TAFA1: variants seen among roughly 807,000 people sequenced by gnomAD.
TAFA1 encodes the protein chemokine-like protein TAFA-1.
In TAFA1, 4 loss-of-function variants were observed where a neutral mutation model predicts 18.5. That is an observed-to-expected ratio of 0.22 (90% CI 0.11 to 0.49). TAFA1 has a LOEUF of 0.49. Among genes scored for constraint, TAFA1 ranks in the 20% least tolerant of loss-of-function variants. The pLI, the probability that TAFA1 is intolerant of heterozygous loss-of-function variation, is 0.98. For missense variants in TAFA1, 147 were observed against 169.0 expected (o/e 0.87, Z 0.72); for synonymous variants, 56 against 55.2 (o/e 1.01, Z -0.06).
chr3:68,154,515 T>C lies in TAFA1; in HGVS notation c.118+147771T>C, dbSNP rs148909896. 3.0e-3 allele frequency among the ~76,000 whole-genome samples: 462 copies of C among 152,320 alleles called. 2 individuals are homozygous for C. The highest frequency in any genetic ancestry group is 0.011 in the African/African-American group (441 of 41,570). On this transcript the variant is annotated intron_variant, in intron 2 of 4. Transcript: ENST00000478136. Reference sequence around the variant, plus strand: ...AGTTGCAAAGTGGAGCCTCTTTAGCTTATAATATTGCAGCTGGCAATCCTC... The same window carrying C: ...AGTTGCAAAGTGGAGCCTCTTTAGCCTATAATATTGCAGCTGGCAATCCTC...
chr3:68,246,625 A>AAAAAAAAAAAAT (rs2067085773), intron 2 of TAFA1, among the ~76,000 whole-genome samples: 1 of 145,688 alleles, frequency 6.9e-6, no homozygotes, highest in Non-Finnish European at 1.5e-5. Flanking sequence ...AAAAAAAAAA[A>AAAAAAAAAAAAT]TTGAGAAGGT....
At chr3:68,061,367 T>C (rs942409480) in intron 2 of TAFA1, among the ~76,000 whole-genome samples, 2 of 152,216 alleles carry the variant, frequency 1.3e-5, no homozygotes, top group Non-Finnish European at 2.9e-5. Flanking sequence ...GAATTCTACA[T>C]GTAATTCAGT....
chr3:68,242,352 G>A (rs1024473791), intron 2 of TAFA1, among the ~76,000 whole-genome samples: 2 of 152,010 alleles, frequency 1.3e-5, no homozygotes, highest in East Asian at 1.9e-4. Context: ...ATAAATATTC[G>A]TAGACTTTTC....
chr3:68,196,378 A>G (rs2066409994), intron 2 of TAFA1, among the ~76,000 whole-genome samples: 1 of 151,764 alleles, frequency 6.6e-6, no homozygotes, highest in African/African-American at 2.4e-5. Context: ...AAATGTAGCA[A>G]TCAATCAATC....
At chr3:68,454,301 C>T (rs1183542126) in intron 3 of TAFA1, among the ~76,000 whole-genome samples, 2 of 152,104 alleles carry the variant, frequency 1.3e-5, no homozygotes, top group African/African-American at 4.8e-5. Flanking sequence ...TTCTACTGAA[C>T]TTGATTTTAC....
chr3:68,126,403 T>A (rs2065465406), intron 2 of TAFA1, among the ~76,000 whole-genome samples: 1 of 152,220 alleles, frequency 6.6e-6, no homozygotes, highest in African/African-American at 2.4e-5. Flanking sequence ...TGGTAAAGGA[T>A]GTCAAAATCT....
At chr3:68,405,438 G>T (rs1239418343) in intron 2 of TAFA1, among the ~76,000 whole-genome samples, 1 of 148,876 alleles carries the variant, frequency 6.7e-6, no homozygotes, top group Non-Finnish European at 1.5e-5. Flanking sequence ...ACATGAGAAT[G>T]GGAGGATTGC....
At chr3:68,197,192 C>T (rs1417224148) in intron 2 of TAFA1, among the ~76,000 whole-genome samples, 2 of 151,612 alleles carry the variant, frequency 1.3e-5, no homozygotes, top group Non-Finnish European at 2.9e-5. Flanking sequence ...TAAGTATTGC[C>T]AATACAGGTT....
intron 2 of TAFA1, among the ~76,000 whole-genome samples, chr3:68,278,757 T>C (rs977006625): frequency 6.6e-6 from 1 of 152,106 alleles, no homozygotes; most frequent in Non-Finnish European, 1.5e-5. Flanking sequence ...CTTGTTAAAA[T>C]ACACATTCCC....
At chr3:68,308,291 C>T (rs892409061) in intron 2 of TAFA1, among the ~76,000 whole-genome samples, 2 of 152,132 alleles carry the variant, frequency 1.3e-5, no homozygotes, top group African/African-American at 4.8e-5. Flanking sequence ...CTGGAGTGGT[C>T]ATACTGTAAG....
At position 68,404,711 on chromosome 3, in the gene TAFA1, C is replaced by T. The variant is rs954855724; in HGVS notation, c.119-12569C>T. 4.6e-5 allele frequency among the ~76,000 whole-genome samples: 7 copies of T among 151,702 alleles called. No individual in the cohort carries two copies. In the South Asian group the frequency reaches 6.2e-4, roughly 14 times the overall value. On this transcript the variant is annotated intron_variant, in intron 2 of 4. Coordinates refer to ENST00000478136, the MANE Select transcript of TAFA1 (RefSeq NM_213609.4). ...ACTTGGGAGGCTGAGGAAGGAGGGTCGCTTGAACCCAGGAGGCAGAGTTTG... is the reference window on the plus strand; with the variant it reads ...ACTTGGGAGGCTGAGGAAGGAGGGTTGCTTGAACCCAGGAGGCAGAGTTTG...
At chr3:68,521,804 A>C (rs2073027213) in intron 3 of TAFA1, among the ~76,000 whole-genome samples, 1 of 140,468 alleles carries the variant, frequency 7.1e-6, no homozygotes, top group African/African-American at 2.6e-5. Flanking sequence ...TTGTTTGCTT[A>C]TGTTGTGACA....
chr3:68,479,408 C>T (rs1356719055), intron 3 of TAFA1, among the ~76,000 whole-genome samples: 1 of 151,760 alleles, frequency 6.6e-6, no homozygotes, highest in Non-Finnish European at 1.5e-5. Flanking sequence ...CTTCTTAGAT[C>T]TTACAGCTCT....
At chr3:68,305,919 T>C (rs1358508709) in intron 2 of TAFA1, among the ~76,000 whole-genome samples, 1 of 152,186 alleles carries the variant, frequency 6.6e-6, no homozygotes, top group East Asian at 1.9e-4. Context: ...GCTGTAAGTA[T>C]TAAATGAGCA....
At chr3:68,206,016 C>A (rs12488557) in intron 2 of TAFA1, among the ~76,000 whole-genome samples, 3,727 of 151,880 alleles carry the variant, frequency 0.025, 65 homozygotes, top group Non-Finnish European at 0.037. Flanking sequence ...ATTCCTTTAT[C>A]GTTCCATGTG....
chr3:68,271,064 A>G (rs2067656983), intron 2 of TAFA1, among the ~76,000 whole-genome samples: 1 of 152,126 alleles, frequency 6.6e-6, no homozygotes, highest in African/African-American at 2.4e-5. Flanking sequence ...AAGTTTGCAA[A>G]GTTGTAGCTG....
At chr3:68,347,660 T>C (rs1433971876) in intron 2 of TAFA1, among the ~76,000 whole-genome samples, 1 of 152,236 alleles carries the variant, frequency 6.6e-6, no homozygotes, top group Non-Finnish European at 1.5e-5. Context: ...TAACAGATAT[T>C]AGACTGCATT....
intron 2 of TAFA1, among the ~76,000 whole-genome samples, chr3:68,276,153 C>T (rs1473612895): frequency 6.7e-6 from 1 of 149,868 alleles, no homozygotes; most frequent in Non-Finnish European, 1.5e-5. Context: ...TTTAATAACC[C>T]AACTAAAAAA....
chr3:68,129,221 G>A (rs1160508718), intron 2 of TAFA1, among the ~76,000 whole-genome samples: 3 of 152,110 alleles, frequency 2.0e-5, no homozygotes, highest in African/African-American at 7.2e-5. Flanking sequence ...GCTGGTAAGT[G>A]GTAAAGCCAG....
Sources: gnomAD v4.1 joint callset for allele counts (sites outside exome capture counted in the v4.1 genomes callset) on GRCh38, gnomAD v4.1.1 for gene constraint, MANE v1.5 for transcripts, NCBI Gene and HGNC (gene_info 2026-07-23, HGNC 2026-07-21) for gene names.